Variants in ACADM observed in about 807,000 individuals in gnomAD.
The protein encoded by ACADM is acyl-CoA dehydrogenase medium chain, also known as medium-chain specific acyl-CoA dehydrogenase, mitochondrial.
ACADM carries 49 observed loss-of-function variants against 58.9 expected under a neutral mutation model. That is an observed-to-expected ratio of 0.83 (90% CI 0.66 to 1.06). The LOEUF is 1.06. Among genes scored for constraint, ACADM ranks in the 50% least tolerant of loss-of-function variants. The pLI, the probability that ACADM is intolerant of heterozygous loss-of-function variation, is 0.00. For missense variants in ACADM, 496 were observed against 507.0 expected (o/e 0.98, Z 0.21); for synonymous variants, 160 against 157.7 (o/e 1.01, Z -0.11).
Position 75,744,605 on chromosome 1 carries a change from G to A in ACADM, c.600-1201G>A, listed in dbSNP as rs190365724. On this transcript the variant is annotated intron_variant, in intron 7 of 11. Transcript: ENST00000370841. ...CATACAGTTGTAGTTCTGAAGAAGC[G>A]AACACTGAAGACACTGTTGTTAATG... The A allele has an allele frequency of 1.0e-3, 1,189 of 1,148,918 alleles. 5 individuals are homozygous for A. Among genetic ancestry groups the A allele is most frequent in the Non-Finnish European group, 1.2e-3 (887 of 756,968 alleles). 71.2% of individuals were successfully genotyped at this position (1,148,918 alleles called of 1,614,324 possible). A position where few individuals can be genotyped will look rare whatever the true frequency, so the allele number is the denominator to read the frequency against.
At chr1:75,725,102 C>T (rs992152313) in intron 1 of ACADM, among the ~76,000 whole-genome samples, 34 of 152,108 alleles carry the variant, frequency 2.2e-4, no homozygotes, top group African/African-American at 8.0e-4. Flanking sequence ...CAAATATTTA[C>T]CGCGGGAATC....
intron 10 of ACADM, among the ~76,000 whole-genome samples, chr1:75,754,764 C>T (rs901031042): frequency 7.2e-5 from 11 of 152,192 alleles, no homozygotes; most frequent in African/African-American, 2.2e-4. Context: ...TGGGATTTGT[C>T]GTACAGTGGG....
Position 75,761,105 on chromosome 1 carries a change from TTTC to T in ACADM, c.946-14_946-12del. 1 of 1,610,568 alleles carries T rather than the reference TTTC, an allele frequency of 6.2e-7. No individual in the cohort carries two copies. The highest frequency in any genetic ancestry group is 8.5e-7 in the Non-Finnish European group (1 of 1,177,950). ...TTCTCAATAAATATCCTTTAATTTT[TTTC>T]TTTTTAATTCTAGCACCAAGCAATA... is the stretch of plus-strand genomic sequence containing the variant. On this transcript the variant is annotated splice_polypyrimidine_tract_variant and intron_variant, in intron 10 of 11. Transcript: ENST00000370841.
In ACADM at chr1:75,762,880, A is replaced by G; in HGVS notation, c.*117A>G. ...AAACAAATCCTCTTATATTAAATCT[A>G]AGCAACTGCTTATTATAGTAGTTTA... On this transcript the variant is annotated 3_prime_UTR_variant, in exon 12 of 12. Coordinates refer to ENST00000370841, the MANE Select transcript of ACADM (RefSeq NM_000016.6). 1.5e-6 allele frequency: 1 copy of G among 662,334 alleles called. No individual in the cohort carries two copies. 41.0% of individuals were successfully genotyped at this position (662,334 alleles called of 1,614,324 possible).
intron 2 of ACADM, among the ~76,000 whole-genome samples, chr1:75,730,113 T>C (rs1008193573): frequency 3.9e-5 from 6 of 152,120 alleles, no homozygotes; most frequent in African/African-American, 4.8e-5. Flanking sequence ...AACGCTGGTC[T>C]CGAACTCCTG....
chr1:75,730,956 A>G (rs1221107743), intron 2 of ACADM, among the ~76,000 whole-genome samples: 1 of 152,134 alleles, frequency 6.6e-6, no homozygotes, highest in African/African-American at 2.4e-5. Context: ...TGAGACTGAT[A>G]CTAGAATTTC....
chr1:75,741,552 AG>A (rs1647568467), intron 7 of ACADM, among the ~76,000 whole-genome samples: 1 of 152,176 alleles, frequency 6.6e-6, no homozygotes, highest in Admixed American at 6.6e-5. Flanking sequence ...GCTTGAGCCC[AG>A]GGGTTCAAGA....
intron 10 of ACADM, among the ~76,000 whole-genome samples, chr1:75,760,371 G>A (rs1404054003): frequency 1.4e-5 from 2 of 147,758 alleles, no homozygotes; most frequent in African/African-American, 2.5e-5. Context: ...GCAGTGAGCC[G>A]ATAACGCACC....
At chr1:75,739,906 C>T in intron 6 of ACADM, 74 bp from the exon 7 acceptor site, 1 of 1,083,686 alleles carries the variant, frequency 9.2e-7, no homozygotes, top group East Asian at 2.8e-5. Flanking sequence ...AAAAATAAAA[C>T]AATCCTGTTT....
At chr1:75,745,549 G>A in intron 7 of ACADM, 1 of 492,584 alleles carries the variant, frequency 2.0e-6, no homozygotes. Flanking sequence ...TGTACTGCGG[G>A]TAACTGAAAC....
At chr1:75,743,983 C>A in intron 7 of ACADM, 1 of 1,564,398 alleles carries the variant, frequency 6.4e-7, no homozygotes. Flanking sequence ...CTCTTTGTGC[C>A]GAGCCCTCAT....
intron 7 of ACADM, among the ~76,000 whole-genome samples, chr1:75,741,451 TG>T (rs774956916): frequency 6.6e-6 from 1 of 152,184 alleles, no homozygotes; most frequent in Non-Finnish European, 1.5e-5. Context: ...CAATGCAGTT[TG>T]AAGTTTTCGT....
In ACADM at chr1:75,724,812, T is replaced by C. The variant is rs769935756; in HGVS notation, c.25T>C (p.Cys9Arg). The C allele has an allele frequency of 1.4e-5, 21 of 1,513,408 alleles. No homozygotes were observed. The highest frequency in any genetic ancestry group is 1.2e-5 in the Non-Finnish European group (14 of 1,127,604). The allele number at this position is 1,513,408 out of a possible 1,614,324, so 93.7% of individuals were successfully genotyped here. A position where few individuals can be genotyped will look rare whatever the true frequency, so the allele number is the denominator to read the frequency against. ...CATGGCAGCGGGGTTCGGGCGATGC[T>C]GCAGGGTGAGAGGGAGCCCAGCGGT... MAAGFGRC[C>R]RVLRSISRFH... Residue 9 changes from cysteine to arginine, a missense_variant, in exon 1 of 12, where the codon TGC (cysteine) becomes CGC (arginine). By Grantham distance (180) the Cys-to-Arg change is radical. Coordinates refer to ENST00000370841, the MANE Select transcript of ACADM (RefSeq NM_000016.6).
At chr1:75,737,066 G>T (rs1647290861) in intron 6 of ACADM, among the ~76,000 whole-genome samples, 1 of 151,070 alleles carries the variant, frequency 6.6e-6, no homozygotes, top group East Asian at 1.9e-4. Flanking sequence ...AACTCCTTGG[G>T]TTTTTACTTT....
intron 10 of ACADM, among the ~76,000 whole-genome samples, chr1:75,758,012 A>G (rs1281025171): frequency 6.6e-6 from 1 of 152,220 alleles, no homozygotes; most frequent in Non-Finnish European, 1.5e-5. Flanking sequence ...AACTCAGGGA[A>G]ACACATTTAC....
intron 10 of ACADM, among the ~76,000 whole-genome samples, chr1:75,758,825 A>G (rs1282592667): frequency 6.7e-6 from 1 of 150,340 alleles, no homozygotes; most frequent in Non-Finnish European, 1.5e-5. Context: ...AGCACTCTGT[A>G]AAATGGACCA....
At chr1:75,729,490 A>C (rs1647112886) in intron 2 of ACADM, among the ~76,000 whole-genome samples, 1 of 134,396 alleles carries the variant, frequency 7.4e-6, no homozygotes, top group Non-Finnish European at 1.6e-5. Flanking sequence ...CTAGCCAAAG[A>C]CTGGATGAAA....
chr1:75,738,566 T>C (rs1647397673), intron 6 of ACADM, among the ~76,000 whole-genome samples: 1 of 152,158 alleles, frequency 6.6e-6, no homozygotes, highest in Admixed American at 6.5e-5. Context: ...ATATGCTTAC[T>C]ACTTTGAATT....
Position 75,733,567 on chromosome 1 carries a change from G to A in ACADM, c.326G>A (p.Ser109Asn). ...GGAACTTTTGATGCTTGTTTAATTA[G>A]TGAAGAATTGGCTTATGGATGTACA... ...GLGTFDACLI[S>N]EELAYGCTGV... is the part of the protein sequence containing the mutation. The change falls in exon 5 of 12, where the codon AGT (serine) becomes AAT (asparagine). Residue 109 changes from serine to asparagine, a missense_variant. Physicochemically the swap from Ser to Asn is conservative, Grantham distance 46. Coordinates refer to ENST00000370841, the MANE Select transcript of ACADM (RefSeq NM_000016.6). 6.2e-7 allele frequency: 1 copy of A among 1,614,090 alleles called. No homozygotes were observed. Among genetic ancestry groups the A allele is most frequent in the Non-Finnish European group, 8.5e-7 (1 of 1,179,996 alleles).
Sources: gnomAD v4.1 joint callset for allele counts (sites outside exome capture counted in the v4.1 genomes callset) on GRCh38, gnomAD v4.1.1 for gene constraint, MANE v1.5 for transcripts, NCBI Gene and HGNC (gene_info 2026-07-23, HGNC 2026-07-21) for gene names.